ATXN1: variants seen among roughly 807,000 people sequenced by gnomAD.
The protein encoded by ATXN1 is ataxin-1.
ATXN1 carries 8 observed loss-of-function variants against 56.4 expected under a neutral mutation model. The observed-to-expected ratio is 0.14, with a 90% CI of 0.08 to 0.26. The LOEUF (loss-of-function observed/expected upper bound fraction) is 0.26, where lower values mean the gene tolerates loss of function less well. ATXN1 is among the 10% of genes least tolerant of loss of function. The pLI is 1.00. For missense variants in ATXN1, 987 were observed against 1,106.5 expected, an observed-to-expected ratio of 0.89 and a Z score of 1.53; for synonymous variants, 514 against 494.6, an observed-to-expected ratio of 1.04 and a Z score of -0.52.
chr6:16,542,800 G>A (rs903121852), intron 4 of ATXN1, among the ~76,000 whole-genome samples: 1 of 152,010 alleles, frequency 6.6e-6, no homozygotes, highest in Non-Finnish European at 1.5e-5. Context: ...CCATGATAGA[G>A]TTTAATTTAT....
chr6:16,405,775 T>C (rs757347349), intron 6 of ATXN1, among the ~76,000 whole-genome samples: 1 of 152,200 alleles, frequency 6.6e-6, no homozygotes, highest in East Asian at 1.9e-4. Context: ...TATTTGTGCA[T>C]ACCATGTGCG....
intron 6 of ATXN1, among the ~76,000 whole-genome samples, chr6:16,335,260 C>T (rs1295559387): frequency 1.3e-5 from 2 of 152,232 alleles, no homozygotes; most frequent in Non-Finnish European, 2.9e-5. Context: ...ATGGGGCAGG[C>T]CTCTTGGCCC....
intron 6 of ATXN1, among the ~76,000 whole-genome samples, chr6:16,349,665 A>C (rs1194713943): frequency 6.6e-6 from 1 of 152,174 alleles, no homozygotes; most frequent in Non-Finnish European, 1.5e-5. Context: ...AGGCATTTCA[A>C]GTCTTACCGG....
chr6:16,521,700 G>A (rs1761293899), intron 5 of ATXN1, among the ~76,000 whole-genome samples: 1 of 152,250 alleles, frequency 6.6e-6, no homozygotes, highest in Non-Finnish European at 1.5e-5. Context: ...GTGTGGGTCT[G>A]CAGCTGGACT....
chr6:16,540,056 C>T (rs1330810720), intron 4 of ATXN1, among the ~76,000 whole-genome samples: 3 of 152,162 alleles, frequency 2.0e-5, no homozygotes, highest in Non-Finnish European at 4.4e-5. Flanking sequence ...CCTTTCCGCT[C>T]GAACACGGGA....
chr6:16,632,023 A>C (rs536327687), intron 3 of ATXN1, among the ~76,000 whole-genome samples: 27 of 152,262 alleles, frequency 1.8e-4, no homozygotes, highest in African/African-American at 5.8e-4. Flanking sequence ...GTCTCACACC[A>C]CCTGTAAAAC....
At chr6:16,342,765 G>C (rs747893750) in intron 6 of ATXN1, among the ~76,000 whole-genome samples, 3 of 152,196 alleles carry the variant, frequency 2.0e-5, no homozygotes, top group African/African-American at 2.4e-5. Flanking sequence ...AGTGAAAGAA[G>C]CCAGACACAA....
chr6:16,679,241 T>G (rs1002535089), intron 2 of ATXN1, among the ~76,000 whole-genome samples: 46 of 148,486 alleles, frequency 3.1e-4, no homozygotes, highest in African/African-American at 1.1e-3. Context: ...GATGGATGGA[T>G]GGGTGGGTGG....
At chr6:16,466,790 A>G (rs145161294) in intron 6 of ATXN1, among the ~76,000 whole-genome samples, 2 of 152,312 alleles carry the variant, frequency 1.3e-5, no homozygotes, top group African/African-American at 4.8e-5. Context: ...TAATAATGAC[A>G]TGGCAGATTT....
chr6:16,674,541 T>G (rs9464932), intron 2 of ATXN1, among the ~76,000 whole-genome samples: 20,997 of 149,162 alleles, frequency 0.14, 2,612 homozygotes, highest in African/African-American at 0.33. Flanking sequence ...GTATTTTTAG[T>G]AGAGACGGGG....
At chr6:16,647,193 T>C (rs1445419724) in intron 3 of ATXN1, among the ~76,000 whole-genome samples, 1 of 152,202 alleles carries the variant, frequency 6.6e-6, no homozygotes, top group African/African-American at 2.4e-5. Flanking sequence ...TTAGTAGAGA[T>C]GGGGTTTCAC....
chr6:16,543,915 C>T lies in ATXN1; in HGVS notation c.-360-21227G>A, dbSNP rs78377677. 7.4e-3 allele frequency among the ~76,000 whole-genome samples: 1,130 copies of T among 152,160 alleles called. 7 individuals are homozygous for T. The highest frequency in any genetic ancestry group is 0.017 in the Middle Eastern group (5 of 294). ...GGTTGTCACTTCGAACCTAAAGACT[C>T]GATTGCAGCATGGGAAAACATAACA... is the stretch of plus-strand genomic sequence containing the variant. On this transcript the variant is annotated intron_variant, in intron 4 of 7. Transcript: ENST00000436367.
intron 2 of ATXN1, among the ~76,000 whole-genome samples, chr6:16,714,372 C>T (rs1026025821): frequency 2.6e-5 from 4 of 152,062 alleles, no homozygotes; most frequent in African/African-American, 4.8e-5. Context: ...CACCACCACC[C>T]GCCTTTGTAG....
intron 6 of ATXN1, among the ~76,000 whole-genome samples, chr6:16,484,828 C>T (rs1269414991): frequency 6.6e-6 from 1 of 151,958 alleles, no homozygotes; most frequent in Non-Finnish European, 1.5e-5. Context: ...ATACTTTTCT[C>T]CCTGATATAT....
intron 4 of ATXN1, among the ~76,000 whole-genome samples, chr6:16,533,496 C>T (rs1472157385): frequency 3.3e-5 from 5 of 152,156 alleles, no homozygotes; most frequent in Admixed American, 2.6e-4. Flanking sequence ...GGCCAGAATG[C>T]TTGCAATATC....
chr6:16,368,177 A>G (rs1186415547), intron 6 of ATXN1, among the ~76,000 whole-genome samples: 1 of 151,860 alleles, frequency 6.6e-6, no homozygotes, highest in African/African-American at 2.4e-5. Context: ...CTCAAAAAAA[A>G]AAAGAAAGAA....
At chr6:16,732,502 C>G (rs1760013429) in intron 2 of ATXN1, among the ~76,000 whole-genome samples, 1 of 151,928 alleles carries the variant, frequency 6.6e-6, no homozygotes, top group African/African-American at 2.4e-5. Flanking sequence ...ACTCAGGAGG[C>G]AGAGGTTGCA....
chr6:16,493,544 T>A (rs1463446497), intron 5 of ATXN1, among the ~76,000 whole-genome samples: 2 of 151,970 alleles, frequency 1.3e-5, no homozygotes, highest in East Asian at 3.9e-4. Context: ...TTATTCCTTA[T>A]CCTACAATAG....
At chr6:16,689,955 A>G (rs1361446976) in intron 2 of ATXN1, among the ~76,000 whole-genome samples, 3 of 152,068 alleles carry the variant, frequency 2.0e-5, no homozygotes, top group African/African-American at 4.8e-5. Context: ...CAAATTCCTC[A>G]TTTTTGTCTT....
Sources: gnomAD v4.1 joint callset for allele counts (sites outside exome capture counted in the v4.1 genomes callset) on GRCh38, gnomAD v4.1.1 for gene constraint, MANE v1.5 for transcripts, NCBI Gene and HGNC (gene_info 2026-07-23, HGNC 2026-07-21) for gene names.